Variants in PDE4B observed in about 807,000 individuals in gnomAD.
PDE4B encodes phosphodiesterase 4B, also known as 3',5'-cyclic-AMP phosphodiesterase 4B.
A neutral mutation model predicts 82.2 loss-of-function variants in PDE4B; 20 were observed. The ratio of observed to expected loss-of-function variants is 0.24; its 90% CI spans 0.17 to 0.35. The LOEUF (loss-of-function observed/expected upper bound fraction) is 0.35, where lower values mean the gene tolerates loss of function less well. Among genes scored for constraint, PDE4B ranks in the 10% least tolerant of loss-of-function variants. The probability of loss-of-function intolerance (pLI) is 1.00; values close to 1 mark genes in which losing one functional copy is unlikely to be tolerated. For synonymous variants in PDE4B, 320 were observed against 318.9 expected, an observed-to-expected ratio of 1.00 and a Z score of -0.04; for missense variants, 655 against 907.2, an observed-to-expected ratio of 0.72 and a Z score of 3.57.
chr1:66,020,177 A>G (rs1653010648), intron 3 of PDE4B, among the ~76,000 whole-genome samples: 1 of 152,216 alleles, frequency 6.6e-6, no homozygotes, highest in Non-Finnish European at 1.5e-5. Flanking sequence ...GTTGCTGGTC[A>G]ACAGTGTAGC....
chr1:66,341,083 T>C (rs555445630), intron 8 of PDE4B, among the ~76,000 whole-genome samples: 8 of 152,352 alleles, frequency 5.3e-5, no homozygotes, highest in African/African-American at 1.9e-4. Context: ...TTAAGTATTA[T>C]TTTCTATTTC....
At chr1:65,934,550 C>T (rs1329276168) in intron 3 of PDE4B, among the ~76,000 whole-genome samples, 1 of 152,168 alleles carries the variant, frequency 6.6e-6, no homozygotes, top group Non-Finnish European at 1.5e-5. Context: ...GCTTACTTTA[C>T]ATAGACATGG....
intron 3 of PDE4B, among the ~76,000 whole-genome samples, chr1:66,054,004 A>T (rs1191746392): frequency 1.3e-5 from 2 of 152,154 alleles, no homozygotes; most frequent in East Asian, 3.9e-4. Context: ...TAAGTGGAAC[A>T]GTTGGTTGGC....
At chr1:65,946,973 G>A (rs1044060426) in intron 3 of PDE4B, among the ~76,000 whole-genome samples, 1 of 151,962 alleles carries the variant, frequency 6.6e-6, no homozygotes, top group Non-Finnish European at 1.5e-5. Context: ...CAGAACACTC[G>A]GACCCTAAGA....
intron 1 of PDE4B, among the ~76,000 whole-genome samples, chr1:65,805,241 A>G (rs923107022): frequency 3.3e-5 from 5 of 152,246 alleles, no homozygotes; most frequent in Admixed American, 2.0e-4. Context: ...CTGGGATTAC[A>G]GGCGTGAGCC....
chr1:66,320,137 C>T (rs1165092081), intron 7 of PDE4B, among the ~76,000 whole-genome samples: 1 of 152,140 alleles, frequency 6.6e-6, no homozygotes, highest in African/African-American at 2.4e-5. Flanking sequence ...AACTTCCACC[C>T]ATTCTTCTTT....
intron 3 of PDE4B, among the ~76,000 whole-genome samples, chr1:66,201,241 G>A (rs1307081722): frequency 3.9e-5 from 6 of 152,196 alleles, no homozygotes; most frequent in African/African-American, 1.4e-4. Context: ...TGCTGGATTC[G>A]GTTTGCCAGT....
intron 12 of PDE4B, among the ~76,000 whole-genome samples, chr1:66,363,969 T>C (rs1663026716): frequency 6.6e-6 from 1 of 152,154 alleles, no homozygotes; most frequent in African/African-American, 2.4e-5. Flanking sequence ...TCCCTTTACA[T>C]CTCTTACTAT....
Position 65,910,580 on chromosome 1 carries a change from G to A in PDE4B, c.-70-2665G>A, listed in dbSNP as rs567207262. Among the ~76,000 whole-genome samples the A allele has an allele frequency of 5.5e-4, 84 of 152,262 alleles. 1 individual carries two copies. The highest frequency in any genetic ancestry group is 5.9e-5 in the Non-Finnish European group (4 of 68,022). On this transcript the variant is annotated intron_variant, in intron 1 of 16. Transcript: ENST00000341517. ...TTAATGGAGGTACTATTTACAAAGG[G>A]TATGGGCAGGGTTGAGGATAAACAA... is the stretch of plus-strand genomic sequence containing the variant.
intron 7 of PDE4B, among the ~76,000 whole-genome samples, chr1:66,286,747 C>T (rs549432646): frequency 6.6e-6 from 1 of 152,128 alleles, no homozygotes; most frequent in Admixed American, 6.6e-5. Context: ...TGGATGGGGT[C>T]GTGAGGGAGC....
intron 3 of PDE4B, among the ~76,000 whole-genome samples, chr1:65,931,855 TC>T: frequency 6.6e-6 from 1 of 152,280 alleles, no homozygotes; most frequent in African/African-American, 2.4e-5. Context: ...AACTTCTTCC[TC>T]CCCAAAGGAT....
intron 7 of PDE4B, among the ~76,000 whole-genome samples, chr1:66,269,799 T>C (rs1233936184): frequency 6.6e-6 from 1 of 152,228 alleles, no homozygotes; most frequent in African/African-American, 2.4e-5. Context: ...ACAAAATGAT[T>C]TTTTTGCTTT....
chr1:65,877,571 T>A (rs1646660122), intron 1 of PDE4B, among the ~76,000 whole-genome samples: 1 of 151,770 alleles, frequency 6.6e-6, no homozygotes, highest in South Asian at 2.1e-4. Flanking sequence ...GCCAAGATCA[T>A]GCCACTGTAC....
rs370661047 is a variant in PDE4B, at chr1:66,271,958, C to T, written c.634+5871C>T. 2.6e-5 allele frequency among the ~76,000 whole-genome samples: 4 copies of T among 152,228 alleles called. No homozygotes were observed. The East Asian group carries it at 7.7e-4, about 29-fold the overall frequency. Reference sequence around the variant, plus strand: ...CCTGCGTGGCATGTCGCTGCATCCCCTCATCTATGAATCAACCTTTTTGCA... The same window carrying T: ...CCTGCGTGGCATGTCGCTGCATCCCTTCATCTATGAATCAACCTTTTTGCA... On this transcript the variant is annotated intron_variant, in intron 7 of 16. Transcript: ENST00000341517.
At chr1:65,944,897 C>A (rs1648627915) in intron 3 of PDE4B, among the ~76,000 whole-genome samples, 1 of 151,914 alleles carries the variant, frequency 6.6e-6, no homozygotes, top group African/African-American at 2.4e-5. Context: ...GCTATAGCTG[C>A]TACCTGGTCA....
chr1:65,907,760 C>T (rs929556160), intron 1 of PDE4B, among the ~76,000 whole-genome samples: 3 of 152,026 alleles, frequency 2.0e-5, no homozygotes, highest in African/African-American at 7.2e-5. Flanking sequence ...CATTAAGAAA[C>T]AAAGCAAAAA....
At position 66,017,832 on chromosome 1, in the gene PDE4B, T is replaced by TAA. The variant is rs59104583; in HGVS notation, c.281+99002_281+99003dup. ...GATAATCCAGTATTAGTGAGATTTT[T>TAA]AAAAAATATATATATATATATTCAA... On this transcript the variant is annotated intron_variant, in intron 3 of 16. Coordinates refer to ENST00000341517, the MANE Select transcript of PDE4B (RefSeq NM_002600.4). Among the ~76,000 whole-genome samples the TAA allele has an allele frequency of 1.6e-3, 229 of 145,844 alleles. 1 individual carries two copies. Among genetic ancestry groups the TAA allele is most frequent in the Non-Finnish European group, 2.8e-3 (182 of 65,576 alleles).
chr1:66,371,119 T>TATAC (rs2050757565), intron 16 of PDE4B, among the ~76,000 whole-genome samples: 1 of 133,630 alleles, frequency 7.5e-6, no homozygotes, highest in Non-Finnish European at 1.6e-5. Flanking sequence ...TATATATATA[T>TATAC]ATATATATAT....
At chr1:66,372,268 C>T (rs1422916986) in intron 16 of PDE4B, 45 bp from the exon 17 acceptor site, 11 of 1,538,444 alleles carry the variant, frequency 7.2e-6, no homozygotes, top group Non-Finnish European at 9.6e-6. Context: ...GTTTACTTTT[C>T]AAGCACCATC....
Sources: gnomAD v4.1 joint callset for allele counts (sites outside exome capture counted in the v4.1 genomes callset) on GRCh38, gnomAD v4.1.1 for gene constraint, MANE v1.5 for transcripts, NCBI Gene and HGNC (gene_info 2026-07-23, HGNC 2026-07-21) for gene names.